The following NUTM1 variants were observed in gnomAD, a reference collection of about 807,000 sequenced individuals.
The protein encoded by NUTM1 is NUT midline carcinoma family member 1.
NUTM1 carries 39 observed loss-of-function variants against 88.7 expected under a neutral mutation model. That is an observed-to-expected ratio of 0.44 (90% confidence interval 0.34 to 0.57). The LOEUF (loss-of-function observed/expected upper bound fraction) is 0.57. Among genes scored for constraint, NUTM1 ranks in the 20% least tolerant of loss-of-function variants. The probability of loss-of-function intolerance (pLI) is 0.01; values close to 1 mark genes in which losing one functional copy is unlikely to be tolerated. For synonymous variants in NUTM1, 494 were observed against 538.0 expected, an observed-to-expected ratio of 0.92 and a Z score of 1.13; for missense variants, 1,350 against 1,414.5, an observed-to-expected ratio of 0.95 and a Z score of 0.73.
At position 34,357,122 on chromosome 15, in the gene NUTM1, A is replaced by G. The variant is rs528835399; in HGVS notation, c.3114A>G (p.Ala1038=). The change falls in exon 8 of 8, where the codon GCA becomes GCG. Residue 1038 remains alanine, a synonymous_variant. Coordinates refer to ENST00000537011, the MANE Select transcript of NUTM1 (RefSeq NM_001284292.2). The part of the protein sequence containing the change: ...AKGKEKKKKE[A]EEEDEELSNF... ...GAAAGGAGAAAAAGAAAAAGGAAGC[A>G]GAGGAAGAGGATGAGGAACTCTCCA... 14 of 1,614,234 alleles carry G rather than the reference A, an allele frequency of 8.7e-6. No homozygotes were observed. In the South Asian group the frequency reaches 1.4e-4, roughly 16 times the overall value.
rs201145800 is a variant in NUTM1 at position 34,344,211 on chromosome 15, GA to G, written c.6+518del. ...CACTCCAGCCTGGGTCCGTCTTAAA[GA>G]AAAAAAAATATGGTTTGTGGCTGGG... On this transcript the variant is annotated intron_variant, in intron 1 of 7. Coordinates refer to ENST00000537011, the MANE Select transcript of NUTM1 (RefSeq NM_001284292.2). Among the ~76,000 whole-genome samples, 5 of 132,386 alleles carry G rather than the reference GA, an allele frequency of 3.8e-5. No individual in the cohort carries two copies. In the Admixed American group the frequency reaches 3.9e-4, roughly 10 times the overall value. 86.9% of individuals were successfully genotyped at this position (132,386 alleles called of 152,430 possible).
intron 2 of NUTM1, among the ~76,000 whole-genome samples, chr15:34,347,318 C>T (rs1254212306): frequency 1.3e-5 from 2 of 151,354 alleles, no homozygotes; most frequent in South Asian, 2.1e-4. Flanking sequence ...AGCACAGAGG[C>T]GCAATCTCAG....
In NUTM1 at chr15:34,356,702, G is replaced by A. The variant is rs2140161745; in HGVS notation, c.2694G>A (p.Gly898=). The change falls in exon 8 of 8, where the codon GGG becomes GGA. Residue 898 remains glycine, a synonymous_variant. Coordinates refer to ENST00000537011, the MANE Select transcript of NUTM1 (RefSeq NM_001284292.2). The part of the protein sequence containing the change: ...PTCQGNLLIM[G]TEDASSLPEA... ...GCCAAGGCAATCTCCTTATCATGGG[G>A]ACTGAGGATGCCTCCTCCTTGCCTG... 6.2e-7 allele frequency: 1 copy of A among 1,613,614 alleles called. No individual in the cohort carries two copies.
chr15:34,353,594 C>T, intron 4 of NUTM1, 142 bp from the exon 5 acceptor site: 1 of 872,858 alleles, frequency 1.1e-6, no homozygotes, highest in Non-Finnish European at 1.8e-6. Flanking sequence ...CACCTGTGAC[C>T]ACCCTCCTGG....
chr15:34,356,512 G>C lies in NUTM1; in HGVS notation c.2504G>C (p.Gly835Ala), dbSNP rs140313095. 5 of 1,614,006 alleles carry C rather than the reference G, an allele frequency of 3.1e-6. No homozygotes were observed. In the South Asian group the frequency reaches 3.3e-5, roughly 11 times the overall value. The change falls in exon 8 of 8, where the codon GGA becomes GCA. Residue 835 changes from glycine (G) to alanine (A), a missense_variant. This residue lies in a region of NUTM1 where 730 missense variants were observed against 728.8 expected (regional missense o/e 1.00). Coordinates refer to ENST00000537011, the MANE Select transcript of NUTM1 (RefSeq NM_001284292.2). ...LEKRNYCSLP[G>A]PLRANSPPLR... ...AAGAGAAACTATTGCAGCTTGCCAGGACCTTTGAGGGCCAACAGCCCACCC... is the reference window on the plus strand; with the variant it reads ...AAGAGAAACTATTGCAGCTTGCCAGCACCTTTGAGGGCCAACAGCCCACCC...
At position 34,356,283 on chromosome 15, in the gene NUTM1, G is replaced by A. The variant is rs1890808009; in HGVS notation, c.2275G>A (p.Val759Ile). 5.0e-6 allele frequency: 8 copies of A among 1,612,888 alleles called. No individual in the cohort carries two copies. Among genetic ancestry groups the A allele is most frequent in the Admixed American group, 1.7e-5 (1 of 59,866 alleles). Residue 759 changes from valine (V) to isoleucine (I), a missense_variant, in exon 8 of 8, where the codon GTA becomes ATA. Physicochemically the swap from Val to Ile is conservative, Grantham distance 29. This residue lies in a region of NUTM1 where 730 missense variants were observed against 728.8 expected (regional missense o/e 1.00). Transcript: ENST00000537011. ...GVWLSSEMDA[V>I]GLELPVQIEE... The stretch of plus-strand genomic sequence containing the variant: ...TTGGCTGAGCAGTGAGATGGATGCT[G>A]TAGGCTTGGAGCTGCCTGTACAAAT...
rs1225960634 is a variant in NUTM1, at chr15:34,357,182, C to G, written c.3174C>G (p.Leu1058=). Residue 1058 remains leucine, a synonymous_variant, in exon 8 of 8, where the codon CTC becomes CTG. Transcript: ENST00000537011. Reference sequence around the variant, plus strand: ...ACCTCTTGGCCTCTAAACTTAGCCTCTCACCAAGGGAGCATCCCCTCAGTC... The same window carrying G: ...ACCTCTTGGCCTCTAAACTTAGCCTGTCACCAAGGGAGCATCCCCTCAGTC... ...FAYLLASKLS[L]SPREHPLSPH... 6.2e-7 allele frequency: 1 copy of G among 1,614,084 alleles called. No homozygotes were observed. Among genetic ancestry groups the G allele is most frequent in the East Asian group, 2.2e-5 (1 of 44,888 alleles).
rs1200773980 is a variant in NUTM1 at position 34,355,248 on chromosome 15, T to A, written c.1479+111T>A. 2.4e-6 allele frequency: 2 copies of A among 821,726 alleles called. No individual in the cohort carries two copies. The highest frequency in any genetic ancestry group is 3.4e-5 in the African/African-American group (2 of 59,056). The allele number at this position is 821,726 out of a possible 1,614,324, so 50.9% of individuals were successfully genotyped here. On this transcript the variant is annotated intron_variant, in intron 7 of 7. Coordinates refer to ENST00000537011, the MANE Select transcript of NUTM1 (RefSeq NM_001284292.2). This position sits in a 1 kb window ranked among gnomAD's most constrained non-coding sequence, Gnocchi z 4.3. ...GAGATGAACAGCTTCAGGATTGGGC[T>A]TCAGGTGCAGAACGAGTAGGTAGAG...
chr15:34,357,418 C>T lies in NUTM1; in HGVS notation c.3410C>T (p.Pro1137Leu). 2 of 1,613,964 alleles carry T rather than the reference C, an allele frequency of 1.2e-6. No homozygotes were observed. Among genetic ancestry groups the T allele is most frequent in the South Asian group, 1.1e-5 (1 of 91,056 alleles). The change falls in exon 8 of 8, where the codon CCC (proline) becomes CTC (leucine). Residue 1137 changes from proline (P) to leucine (L), a missense_variant. Physicochemically the swap from Pro to Leu is moderately conservative, Grantham distance 98. Around this residue, in one of 5 missense-constraint regions of NUTM1, gnomAD observed 730 missense variants for 728.8 expected, o/e 1.00. Coordinates refer to ENST00000537011, the MANE Select transcript of NUTM1 (RefSeq NM_001284292.2). ...EKPLALGVVR[P>L]SQPRKRRCDS... ...CCCCTAGCTCTGGGAGTAGTTCGAC[C>T]CTCACAGCCTCGTAAAAGGCGGTGT...
At position 34,356,622 on chromosome 15, in the gene NUTM1, C is replaced by T. The variant is rs767649639; in HGVS notation, c.2614C>T (p.Leu872=). 6.2e-7 allele frequency: 1 copy of T among 1,613,766 alleles called. No individual in the cohort carries two copies. Among genetic ancestry groups the T allele is most frequent in the African/African-American group, 1.3e-5 (1 of 74,808 alleles). Residue 872 remains leucine, a synonymous_variant, in exon 8 of 8, where the codon CTA becomes TTA. Transcript: ENST00000537011. ...DLWAEGCFPL[L]ESGDSTLGSS... is the part of the protein sequence containing the mutation. Reference sequence around the variant, plus strand: ...GTGGGCAGAAGGTTGCTTCCCATTGCTAGAAAGTGGTGATTCCACACTGGG... The same window carrying T: ...GTGGGCAGAAGGTTGCTTCCCATTGTTAGAAAGTGGTGATTCCACACTGGG...
intron 4 of NUTM1, among the ~76,000 whole-genome samples, chr15:34,352,877 CTTTTTTT>C (rs778786955): frequency 3.8e-5 from 2 of 52,852 alleles, no homozygotes; most frequent in African/African-American, 1.4e-4. Flanking sequence ...TCATTCTTAA[CTTTTTTT>C]TTTTTTTTTT....
chr15:34,344,160 T>G (rs1281794721), intron 1 of NUTM1, among the ~76,000 whole-genome samples: 1 of 150,454 alleles, frequency 6.6e-6, no homozygotes, highest in Non-Finnish European at 1.5e-5. Context: ...AGGCAGAGGT[T>G]GCAGCGAGCT....
chr15:34,349,309 C>G (rs1223753982), intron 3 of NUTM1, among the ~76,000 whole-genome samples: 1 of 152,162 alleles, frequency 6.6e-6, no homozygotes, highest in Non-Finnish European at 1.5e-5. Flanking sequence ...TCAGTTTTCT[C>G]AGTTAAAAAG....
intron 5 of NUTM1, 57 bp downstream of exon 5, chr15:34,353,929 C>G (rs975530744): frequency 1.1e-5 from 17 of 1,582,624 alleles, no homozygotes; most frequent in Middle Eastern, 2.2e-4. Context: ...GGGATGCATA[C>G]AGAAGCCAGT....
At chr15:34,349,642 C>T (rs576134657) in intron 3 of NUTM1, among the ~76,000 whole-genome samples, 3 of 152,134 alleles carry the variant, frequency 2.0e-5, no homozygotes, top group Non-Finnish European at 4.4e-5. Flanking sequence ...TTGTGTAAGC[C>T]GCTATATAAC....
Position 34,351,907 on chromosome 15 carries a change from C to T in NUTM1, c.938+1075C>T, listed in dbSNP as rs528616153. Among the ~76,000 whole-genome samples the T allele has an allele frequency of 2.2e-4, 33 of 151,368 alleles. No individual in the cohort carries two copies. In the East Asian group the frequency reaches 4.7e-3, roughly 21 times the overall value. Reference sequence around the variant, plus strand: ...AAAAAAAGGCTAGGCGTGGTGGCTCCGCCTGTAATCCCAGCACTTTGGGAG... The same window carrying T: ...AAAAAAAGGCTAGGCGTGGTGGCTCTGCCTGTAATCCCAGCACTTTGGGAG... On this transcript the variant is annotated intron_variant, in intron 4 of 7. Coordinates refer to ENST00000537011, the MANE Select transcript of NUTM1 (RefSeq NM_001284292.2).
chr15:34,356,953 A>G lies in NUTM1; in HGVS notation c.2945A>G (p.Glu982Gly), dbSNP rs1421841423. 1 of 1,613,862 alleles carries G rather than the reference A, an allele frequency of 6.2e-7. No homozygotes were observed. Among genetic ancestry groups the G allele is most frequent in the Admixed American group, 1.7e-5 (1 of 59,956 alleles). ...CTTGCTCCTTTACAAGAGAGTCAGG[A>G]GTCTTACACAACTGGGACTCCCAAA... is the stretch of plus-strand genomic sequence containing the variant. ...KNLAPLQESQ[E>G]SYTTGTPKAT... The change falls in exon 8 of 8, where the codon GAG (glutamate) becomes GGG (glycine). Residue 982 changes from glutamate (E) to glycine (G), a missense_variant. By Grantham distance (98) the Glu-to-Gly change is moderately conservative. Transcript: ENST00000537011.
intron 1 of NUTM1, among the ~76,000 whole-genome samples, 179 bp downstream of exon 1, chr15:34,343,881 A>G (rs976679862): frequency 6.6e-6 from 1 of 151,974 alleles, no homozygotes; most frequent in Admixed American, 6.5e-5. Context: ...ATTGGAATAT[A>G]TATTAACTGT....
intron 6 of NUTM1, 89 bp from the exon 7 acceptor site, chr15:34,354,932 T>G: frequency 9.1e-7 from 1 of 1,097,454 alleles, no homozygotes; most frequent in Non-Finnish European, 1.4e-6. Context: ...GAGGGGAGAG[T>G]TGGGGAGCTC....
Sources: gnomAD v4.1 joint callset for allele counts (sites outside exome capture counted in the v4.1 genomes callset) on GRCh38, gnomAD v4.1.1 for gene constraint, gnomAD v4.1.1 regional missense constraint, Gnocchi (gnomAD v3.1) non-coding constraint, MANE v1.5 for transcripts, NCBI Gene and HGNC (gene_info 2026-07-23, HGNC 2026-07-21) for gene names.